CSMD1: variants seen among roughly 807,000 people sequenced by gnomAD.
CSMD1 encodes the protein CUB and sushi domain-containing protein 1.
Under a neutral mutation model 417.5 loss-of-function variants are expected in CSMD1, and 213 were observed. The observed-to-expected ratio is 0.51, with a 90% CI of 0.46 to 0.57. The LOEUF (loss-of-function observed/expected upper bound fraction) is 0.57. CSMD1 is among the 20% of genes least tolerant of loss of function. The probability of loss-of-function intolerance (pLI) is 0.00; values close to 1 mark genes in which losing one functional copy is unlikely to be tolerated. For synonymous variants in CSMD1, 2,862 were observed against 1,736.8 expected (o/e 1.65, Z -16.11); for missense variants, 6,923 against 4,529.7 (o/e 1.53, Z -15.17).
At chr8:3,528,303 A>G (rs756156334) in intron 10 of CSMD1, among the ~76,000 whole-genome samples, 9 of 152,208 alleles carry the variant, frequency 5.9e-5, no homozygotes, top group Admixed American at 1.3e-4. Context: ...TTTTGCTAAT[A>G]GCTCAGTGCC....
chr8:4,455,462 T>C (rs1394831768), intron 2 of CSMD1, among the ~76,000 whole-genome samples: 1 of 152,170 alleles, frequency 6.6e-6, no homozygotes, highest in Non-Finnish European at 1.5e-5. Context: ...ACAGCCACCT[T>C]GCTTGACAGC....
At chr8:3,167,217 G>A (rs1374633736) in intron 37 of CSMD1, among the ~76,000 whole-genome samples, 4 of 151,084 alleles carry the variant, frequency 2.6e-5, no homozygotes, top group African/African-American at 7.3e-5. Context: ...CCCAGGAGGC[G>A]GAGGTTGCAG....
At chr8:3,092,937 G>C (rs1815048592) in intron 47 of CSMD1, among the ~76,000 whole-genome samples, 2 of 152,182 alleles carry the variant, frequency 1.3e-5, no homozygotes, top group Admixed American at 1.3e-4. Context: ...ATGAAGTAAA[G>C]TGACAGCTGT....
chr8:3,517,234 G>C (rs1045246785), intron 10 of CSMD1, among the ~76,000 whole-genome samples: 1 of 152,180 alleles, frequency 6.6e-6, no homozygotes, highest in Non-Finnish European at 1.5e-5. Flanking sequence ...AATAAAATCT[G>C]TGATTAGAGG....
chr8:4,257,902 A>C (rs938813909), intron 3 of CSMD1, among the ~76,000 whole-genome samples: 2 of 152,216 alleles, frequency 1.3e-5, no homozygotes, highest in Non-Finnish European at 2.9e-5. Context: ...GACCAGGCTA[A>C]CAACAACAAC....
intron 10 of CSMD1, among the ~76,000 whole-genome samples, chr8:3,530,697 A>G (rs1486689741): frequency 6.6e-6 from 1 of 151,620 alleles, no homozygotes; most frequent in Non-Finnish European, 1.5e-5. Flanking sequence ...CAGCCAGCTA[A>G]TTTTTGTATT....
At chr8:4,587,633 T>A (rs912968646) in intron 2 of CSMD1, among the ~76,000 whole-genome samples, 1 of 152,156 alleles carries the variant, frequency 6.6e-6, no homozygotes, top group Non-Finnish European at 1.5e-5. Flanking sequence ...AGACTCATGA[T>A]CACGATCTCA....
chr8:3,586,603 T>G (rs1289517112), intron 8 of CSMD1, among the ~76,000 whole-genome samples: 1 of 152,098 alleles, frequency 6.6e-6, no homozygotes, highest in East Asian at 1.9e-4. Context: ...TTTTGTACCC[T>G]GAAAACAAGA....
At chr8:4,451,777 T>G (rs932210907) in intron 2 of CSMD1, among the ~76,000 whole-genome samples, 10 of 152,012 alleles carry the variant, frequency 6.6e-5, no homozygotes, top group Admixed American at 1.3e-4. Flanking sequence ...TCAGTAGTAT[T>G]TGAGCAGGAT....
Position 3,000,066 on chromosome 8 carries a change from T to C in CSMD1, c.8095A>G (p.Arg2699Gly). Reference sequence around the variant, plus strand: ...TTGCACTGGTAAACCACCGTGTCTCTGTAACTGAAGCCATCTCCACTAATG... The same window carrying C: ...TTGCACTGGTAAACCACCGTGTCTCCGTAACTGAAGCCATCTCCACTAATG... ...GHISGDGFSYRDTVVYQCNPG... is the reference protein window; with the variant it reads ...GHISGDGFSYGDTVVYQCNPG... The change falls in exon 53 of 70, where the codon AGA (arginine) becomes GGA (glycine). Residue 2699 changes from arginine (R) to glycine (G), a missense_variant. Transcript: ENST00000635120. 2.5e-6 allele frequency: 4 copies of C among 1,603,262 alleles called. No individual in the cohort carries two copies. Among genetic ancestry groups the C allele is most frequent in the African/African-American group, 1.4e-5 (1 of 72,064 alleles).
At chr8:3,982,774 G>A (rs1040242640) in intron 5 of CSMD1, among the ~76,000 whole-genome samples, 5 of 152,164 alleles carry the variant, frequency 3.3e-5, no homozygotes, top group Non-Finnish European at 7.3e-5. Flanking sequence ...ATAATGGACA[G>A]GGCCAGAACG....
intron 1 of CSMD1, among the ~76,000 whole-genome samples, chr8:4,954,680 T>A (rs979058250): frequency 6.6e-6 from 1 of 152,226 alleles, no homozygotes; most frequent in Non-Finnish European, 1.5e-5. Flanking sequence ...TGTGTGTGAA[T>A]GTTCCTTATA....
intron 6 of CSMD1, among the ~76,000 whole-genome samples, chr8:3,715,125 G>C (rs60860249): frequency 8.3e-4 from 127 of 152,158 alleles, no homozygotes; most frequent in East Asian, 8.3e-3. Flanking sequence ...AAGAGTCATC[G>C]AAATTCAGAT....
chr8:3,189,033 C>G, intron 34 of CSMD1, 22 bp from the exon 35 acceptor site: 1 of 1,602,106 alleles, frequency 6.2e-7, no homozygotes, highest in South Asian at 1.1e-5. Flanking sequence ...AACCATATGT[C>G]ATGAAATAAA....
chr8:4,976,643 G>A (rs1463657926), intron 1 of CSMD1, among the ~76,000 whole-genome samples: 2 of 152,134 alleles, frequency 1.3e-5, no homozygotes, highest in African/African-American at 4.8e-5. Flanking sequence ...CATTTGCTAT[G>A]ACCCTCGTCC....
intron 2 of CSMD1, among the ~76,000 whole-genome samples, chr8:4,626,631 G>A (rs932446280): frequency 1.4e-4 from 22 of 152,098 alleles, no homozygotes; most frequent in Non-Finnish European, 1.5e-5. Flanking sequence ...GGGTGTGGGA[G>A]GGCAGGGCGC....
intron 2 of CSMD1, among the ~76,000 whole-genome samples, chr8:4,582,833 G>C (rs1236843018): frequency 2.0e-5 from 3 of 152,232 alleles, no homozygotes; most frequent in African/African-American, 4.8e-5. Context: ...TGGAGGGAGA[G>C]GCGCGAGTGG....
At position 3,594,831 on chromosome 8, in the gene CSMD1, A is replaced by G. The variant is rs968232611; in HGVS notation, c.1098-8571T>C. ...GAACCGCGGTGTGTCATTCACCTTG[A>G]AATCTCTCACAGCTTCCAGCACTGC... On this transcript the variant is annotated intron_variant, in intron 8 of 69. Transcript: ENST00000635120. Among the ~76,000 whole-genome samples, 5 of 152,300 alleles carry G rather than the reference A, an allele frequency of 3.3e-5. No homozygotes were observed. The South Asian group carries it at 1.0e-3, about 32-fold the overall frequency.
chr8:4,590,066 G>A (rs1403434892), intron 2 of CSMD1, among the ~76,000 whole-genome samples: 2 of 152,048 alleles, frequency 1.3e-5, no homozygotes, highest in African/African-American at 4.8e-5. Context: ...ATTTTGTGGT[G>A]GTAACATGTA....
Sources: allele counts gnomAD v4.1 joint callset (sites outside exome capture counted in the v4.1 genomes callset), GRCh38; gene constraint gnomAD v4.1.1; transcripts MANE v1.5; gene names NCBI Gene and HGNC (gene_info 2026-07-23, HGNC 2026-07-21).